Variants in STK31 observed in about 807,000 individuals in gnomAD.
The protein encoded by STK31 is serine/threonine-protein kinase 31.
STK31 carries 89 observed loss-of-function variants against 129.7 expected under a neutral mutation model. The ratio of observed to expected loss-of-function variants is 0.69; its 90% CI spans 0.58 to 0.82. The LOEUF (loss-of-function observed/expected upper bound fraction) is 0.82. Ranked by LOEUF, STK31 falls within the 40% of genes least tolerant of loss-of-function variation. The pLI is 0.00. For missense variants in STK31, 1,187 were observed against 1,176.4 expected, an observed-to-expected ratio of 1.01 and a Z score of -0.13; for synonymous variants, 448 against 395.3, an observed-to-expected ratio of 1.13 and a Z score of -1.58.
At chr7:23,738,525 C>G (rs1298691211) in intron 8 of STK31, among the ~76,000 whole-genome samples, 1 of 152,070 alleles carries the variant, frequency 6.6e-6, no homozygotes, top group African/African-American at 2.4e-5. Context: ...CTAGCTCGGA[C>G]TATAGGTATG....
At chr7:23,723,359 A>G (rs1480888935) in intron 4 of STK31, among the ~76,000 whole-genome samples, 1 of 152,180 alleles carries the variant, frequency 6.6e-6, no homozygotes, top group Non-Finnish European at 1.5e-5. Flanking sequence ...TGTCTATAAA[A>G]ATTAGCCCAT....
At chr7:23,757,327 C>CG (rs1443641846) in intron 10 of STK31, among the ~76,000 whole-genome samples, 7 of 151,940 alleles carry the variant, frequency 4.6e-5, no homozygotes, top group African/African-American at 1.5e-4. Flanking sequence ...CCCAAGGGAC[C>CG]GGCGCTCAGC....
chr7:23,816,925 C>T (rs184316405), intron 23 of STK31, among the ~76,000 whole-genome samples: 355 of 152,266 alleles, frequency 2.3e-3, no homozygotes, highest in Middle Eastern at 6.8e-3. Context: ...GTGGCTCACG[C>T]CTGTAATCCC....
At chr7:23,814,413 C>A (rs569553259) in intron 22 of STK31, among the ~76,000 whole-genome samples, 2 of 151,822 alleles carry the variant, frequency 1.3e-5, no homozygotes, top group African/African-American at 4.8e-5. Flanking sequence ...AAAAAGTAAA[C>A]TAATTTGATA....
intron 15 of STK31, among the ~76,000 whole-genome samples, chr7:23,778,064 A>G (rs1790672681): frequency 6.6e-6 from 1 of 152,114 alleles, no homozygotes; most frequent in Admixed American, 6.6e-5. Flanking sequence ...TTGCTTGTCT[A>G]TAAAGGATTT....
chr7:23,829,845 G>A (rs1273634225), intron 23 of STK31, among the ~76,000 whole-genome samples: 1 of 152,146 alleles, frequency 6.6e-6, no homozygotes, highest in East Asian at 1.9e-4. Flanking sequence ...ATTTCTTACT[G>A]ATTCAAACCT....
rs1407095656 is a variant in STK31 at position 23,769,008 on chromosome 7, C to G, written c.1430C>G (p.Ser477Cys). 1.9e-6 allele frequency: 3 copies of G among 1,601,268 alleles called. No individual in the cohort carries two copies. Among genetic ancestry groups the G allele is most frequent in the Admixed American group, 1.8e-5 (1 of 57,142 alleles). The change falls in exon 12 of 24, where the codon TCT becomes TGT. Residue 477 changes from serine (S) to cysteine (C), a missense_variant. By Grantham distance (112) the Ser-to-Cys change is moderately radical. Around this residue, in one of 5 missense-constraint regions of STK31, gnomAD observed 975 missense variants for 934.9 expected, o/e 1.04. Transcript: ENST00000355870. ...ATCTCTCTGCAGGATTTGTCAGTCT[C>G]TTTAGAAGCAGTGTATGGACAAGCC... is the stretch of plus-strand genomic sequence containing the variant. ...RLKTLQDLSV[S>C]LEAVYGQAKE... is the part of the protein sequence containing the mutation.
At chr7:23,800,205 C>T (rs7780158) in intron 22 of STK31, among the ~76,000 whole-genome samples, 17,219 of 152,136 alleles carry the variant, frequency 0.11, 1,573 homozygotes, top group African/African-American at 0.25. Context: ...ACCAGAAATA[C>T]CATTTGACCC....
chr7:23,721,658 C>T, intron 4 of STK31: 1 of 822,460 alleles, frequency 1.2e-6, no homozygotes, highest in Admixed American at 1.7e-5. Context: ...CTGTGGATTC[C>T]TGACAGCACA....
chr7:23,817,428 T>C (rs1793540912), intron 23 of STK31, among the ~76,000 whole-genome samples: 1 of 152,174 alleles, frequency 6.6e-6, no homozygotes, highest in African/African-American at 2.4e-5. Context: ...ATTATAAAAA[T>C]CTTGGCTTGT....
chr7:23,799,791 G>T (rs1453485696), intron 22 of STK31, among the ~76,000 whole-genome samples: 1 of 152,136 alleles, frequency 6.6e-6, no homozygotes, highest in Non-Finnish European at 1.5e-5. Flanking sequence ...ACACATCAGA[G>T]TGAACAGGTA....
intron 4 of STK31, chr7:23,726,131 G>A (rs1787051918): frequency 6.6e-6 from 1 of 152,162 alleles, no homozygotes; most frequent in Middle Eastern, 3.2e-3. Flanking sequence ...TTTAACATGA[G>A]ATTTGGTGGA....
At chr7:23,812,341 A>G (rs1352679060) in intron 22 of STK31, among the ~76,000 whole-genome samples, 3 of 132,330 alleles carry the variant, frequency 2.3e-5, no homozygotes, top group African/African-American at 8.5e-5. Flanking sequence ...GTAGTGTTTT[A>G]TTTCTCTGTG....
chr7:23,766,705 G>C (rs568150310), intron 11 of STK31, among the ~76,000 whole-genome samples: 1 of 152,132 alleles, frequency 6.6e-6, no homozygotes, highest in East Asian at 1.9e-4. Context: ...TCAGTCTGAG[G>C]TTTTATATAT....
Position 23,817,195 on chromosome 7 carries a change from A to AT in STK31, c.2829+1983_2829+1984insT, listed in dbSNP as rs1562629293. On this transcript the variant is annotated intron_variant, in intron 23 of 23. Transcript: ENST00000355870. Reference sequence around the variant, plus strand: ...AGAACAAGACTTTGTCTCAAAAAAAAAAAAATAATAATAATAATCTGCCTG... The same window carrying AT: ...AGAACAAGACTTTGTCTCAAAAAAAATAAAAATAATAATAATAATCTGCCTG... Among the ~76,000 whole-genome samples, 16 of 151,422 alleles carry AT rather than the reference A, an allele frequency of 1.1e-4. No homozygotes were observed. The East Asian group carries it at 1.7e-3, about 17-fold the overall frequency.
intron 8 of STK31, among the ~76,000 whole-genome samples, chr7:23,737,389 A>G (rs1291918885): frequency 6.6e-6 from 1 of 152,202 alleles, no homozygotes; most frequent in Non-Finnish European, 1.5e-5. Flanking sequence ...TCATGTGCCC[A>G]TCACCCAGTT....
chr7:23,747,443 C>T (rs62468634), intron 8 of STK31, among the ~76,000 whole-genome samples: 2 of 151,850 alleles, frequency 1.3e-5, no homozygotes, highest in African/African-American at 4.8e-5. Flanking sequence ...GATGTCTGCT[C>T]ACTGCAAGCC....
intron 6 of STK31, among the ~76,000 whole-genome samples, chr7:23,732,229 T>C (rs1584347298): frequency 1.3e-5 from 2 of 152,026 alleles, no homozygotes; most frequent in African/African-American, 4.8e-5. Flanking sequence ...GAGGATTGCT[T>C]GAGCTTGAGG....
intron 9 of STK31, among the ~76,000 whole-genome samples, chr7:23,753,181 A>G (rs530988842): frequency 2.0e-5 from 3 of 152,318 alleles, no homozygotes; most frequent in South Asian, 4.2e-4. Context: ...ACGTGTTTTC[A>G]TTCAACATTA....
Sources: allele counts gnomAD v4.1 joint callset (sites outside exome capture counted in the v4.1 genomes callset), GRCh38; gene constraint gnomAD v4.1.1; regional missense constraint gnomAD v4.1.1; transcripts MANE v1.5; gene names NCBI Gene and HGNC (gene_info 2026-07-23, HGNC 2026-07-21).